Variants in SEMA6B observed in about 807,000 individuals in gnomAD.
SEMA6B encodes semaphorin-6B.
SEMA6B carries 47 observed loss-of-function variants against 78.6 expected under a neutral mutation model. The ratio of observed to expected loss-of-function variants is 0.60; its 90% confidence interval spans 0.47 to 0.76. The LOEUF is 0.76. Among genes scored for constraint, SEMA6B ranks in the 30% least tolerant of loss-of-function variants. The pLI is 0.00. For missense variants in SEMA6B, 1,213 were observed against 1,269.9 expected (o/e 0.96, Z 0.68); for synonymous variants, 632 against 592.2 (o/e 1.07, Z -0.98).
rs1251815385 is a variant in SEMA6B, at chr19:4,556,100, G to T, written c.370-11C>A. 6 of 1,603,526 alleles carry T rather than the reference G, an allele frequency of 3.7e-6. No homozygotes were observed. Among genetic ancestry groups the T allele is most frequent in the Non-Finnish European group, 5.1e-6 (6 of 1,170,536 alleles). ...GTTTCGACACTCGCCCTGAGGTGGG[G>T]ACAGGAGGAAGCGGGGAGCGCGATG... On this transcript the variant is annotated splice_polypyrimidine_tract_variant and intron_variant, in intron 5 of 16. Coordinates refer to ENST00000586582, the MANE Select transcript of SEMA6B (RefSeq NM_032108.4).
chr19:4,556,850 C>A, intron 5 of SEMA6B, 101 bp downstream of exon 5: 1 of 1,074,010 alleles, frequency 9.3e-7, no homozygotes, highest in Admixed American at 2.5e-5. Context: ...GGGGCGTGGC[C>A]AGGGCTGGCG....
Position 4,558,298 on chromosome 19 carries a change from CG to C in SEMA6B, c.121+38del. ...CCAACTGGGAACCCAGATACTCCCA[CG>C]GGACTCCACCCCCGCCCAAAGACAC... On this transcript the variant is annotated intron_variant, in intron 2 of 16. Coordinates refer to ENST00000586582, the MANE Select transcript of SEMA6B (RefSeq NM_032108.4). This position sits in a 1 kb window ranked among gnomAD's most constrained non-coding sequence, Gnocchi z 5.1. 1.5e-6 allele frequency: 2 copies of C among 1,313,798 alleles called. No homozygotes were observed. Among genetic ancestry groups the C allele is most frequent in the Non-Finnish European group, 9.8e-7 (1 of 1,021,708 alleles). 81.4% of individuals were successfully genotyped at this position (1,313,798 alleles called of 1,614,324 possible). A position where few individuals can be genotyped will look rare whatever the true frequency, so the allele number is the denominator to read the frequency against.
In SEMA6B at chr19:4,548,035, C is replaced by A. The variant is rs1323159417; in HGVS notation, c.1593G>T (p.Gly531=). The change falls in exon 14 of 17, where the codon GGG becomes GGT. Residue 531 remains glycine, a synonymous_variant. Transcript: ENST00000586582. ...VPVARCQQYS[G]CMKNCIGSQD... is the part of the protein sequence containing the mutation. The stretch of plus-strand genomic sequence containing the variant: ...CTGGGGTGGACACTCACTTCATACA[C>A]CCCGAGTACTGCTGGCAGCGAGCCA... The A allele has an allele frequency of 6.4e-7, 1 of 1,562,186 alleles. No individual in the cohort carries two copies. Among genetic ancestry groups the A allele is most frequent in the Non-Finnish European group, 8.6e-7 (1 of 1,157,300 alleles).
rs368276839 is a variant in SEMA6B at position 4,554,379 on chromosome 19, C to T, written c.771+9G>A. On this transcript the variant is annotated intron_variant, in intron 9 of 16. Coordinates refer to ENST00000586582, the MANE Select transcript of SEMA6B (RefSeq NM_032108.4). Reference sequence around the variant, plus strand: ...CTCTCAACTTCATGCCCCACTGCACCGGCCTCACCTTCTCCAGGTAGTTAA... The same window carrying T: ...CTCTCAACTTCATGCCCCACTGCACTGGCCTCACCTTCTCCAGGTAGTTAA... The T allele has an allele frequency of 4.4e-5, 71 of 1,609,420 alleles. No individual in the cohort carries two copies. The highest frequency in any genetic ancestry group is 4.4e-5 in the South Asian group (4 of 90,998).
intron 14 of SEMA6B, 150 bp downstream of exon 14, chr19:4,547,877 G>T (rs1318301138): frequency 1.0e-6 from 1 of 976,548 alleles, no homozygotes; most frequent in Non-Finnish European, 1.4e-6. Flanking sequence ...ACCAGGAGTG[G>T]TCCTGCCCGC....
chr19:4,559,539 GT>G lies in SEMA6B; in HGVS notation c.-43del, dbSNP rs1977561848. On this transcript the variant is annotated 5_prime_UTR_variant, in exon 1 of 17. Coordinates refer to ENST00000586582, the MANE Select transcript of SEMA6B (RefSeq NM_032108.4). ...TCAGAGCACCCCCTACCAGAAAGGGGTACAGTCCAGGTCCCGGAGCCCCGAA... is the reference window on the plus strand; with the variant it reads ...TCAGAGCACCCCCTACCAGAAAGGGGACAGTCCAGGTCCCGGAGCCCCGAA... 1 of 152,124 alleles carries G rather than the reference GT, an allele frequency of 6.6e-6. No homozygotes were observed. The highest frequency in any genetic ancestry group is 2.1e-4 in the South Asian group (1 of 4,822). The allele number at this position is 152,124 out of a possible 1,614,324, so 9.4% of individuals were successfully genotyped here. A position where few individuals can be genotyped will look rare whatever the true frequency, so the allele number is the denominator to read the frequency against.
At position 4,558,115 on chromosome 19, in the gene SEMA6B, C is replaced by A. The variant is rs762660120; in HGVS notation, c.156G>T (p.Gly52=). Residue 52 remains glycine (G), a synonymous_variant, in exon 3 of 17, where the codon GGG becomes GGT. Coordinates refer to ENST00000586582, the MANE Select transcript of SEMA6B (RefSeq NM_032108.4). The surrounding 1 kb of genome is among the most constrained non-coding windows in gnomAD (Gnocchi z 5.1). ...LNHYPVFVGS[G]PGRLTPAEGA... ...CTTCTGCGGGGGTCAGGCGTCCGGG[C>A]CCGCTGCCCACAAACACGGGATAGT... is the stretch of plus-strand genomic sequence containing the variant. 5 of 1,524,006 alleles carry A rather than the reference C, an allele frequency of 3.3e-6. No individual in the cohort carries two copies. The highest frequency in any genetic ancestry group is 2.5e-5 in the East Asian group (1 of 39,570). The allele number at this position is 1,524,006 out of a possible 1,614,324, so 94.4% of individuals were successfully genotyped here. A position where few individuals can be genotyped will look rare whatever the true frequency, so the allele number is the denominator to read the frequency against.
At chr19:4,551,523 A>G (rs1318381843) in intron 10 of SEMA6B, among the ~76,000 whole-genome samples, 2 of 151,406 alleles carry the variant, frequency 1.3e-5, no homozygotes, top group East Asian at 2.0e-4. Flanking sequence ...CCAGTCCACA[A>G]GCAGGCTTTT....
At chr19:4,557,045 C>T (rs750910247) in intron 4 of SEMA6B, 32 bp from the exon 5 acceptor site, 4 of 1,605,698 alleles carry the variant, frequency 2.5e-6, no homozygotes, top group African/African-American at 1.3e-5. Context: ...GAGGGGGTAA[C>T]GGGTCCCAGC....
intron 5 of SEMA6B, 25 bp downstream of exon 5, chr19:4,556,926 C>G (rs1029428526): frequency 1.9e-6 from 3 of 1,606,432 alleles, no homozygotes; most frequent in Non-Finnish European, 2.6e-6. Context: ...TCGCAGGGGC[C>G]GGGACCGAGC....
intron 13 of SEMA6B, 30 bp from the exon 14 acceptor site, chr19:4,548,203 C>T (rs368108162): frequency 1.4e-5 from 23 of 1,587,986 alleles, no homozygotes; most frequent in African/African-American, 5.4e-5. Flanking sequence ...TGAGGCTGAG[C>T]GCATCTCAGC....
Position 4,555,507 on chromosome 19 carries a change from C to G in SEMA6B, c.529G>C (p.Asp177His). 1 of 1,613,406 alleles carries G rather than the reference C, an allele frequency of 6.2e-7. No homozygotes were observed. Among genetic ancestry groups the G allele is most frequent in the Admixed American group, 1.7e-5 (1 of 59,842 alleles). The change falls in exon 7 of 17, where the codon GAC becomes CAC. Residue 177 changes from aspartate to histidine, a missense_variant. Asp to His is a moderately conservative substitution (Grantham distance 81). Transcript: ENST00000586582. This position sits in a 1 kb window ranked among gnomAD's most constrained non-coding sequence, Gnocchi z 6.1. The part of the protein sequence containing the change: ...NISGMARCPY[D>H]PKHANVALFS... ...AGGGCAACATTGGCGTGCTTGGGGTCGTACGGGCAGCGGGCCATACCGCTG... is the reference window on the plus strand; with the variant it reads ...AGGGCAACATTGGCGTGCTTGGGGTGGTACGGGCAGCGGGCCATACCGCTG...
In SEMA6B at chr19:4,552,755, TGGGACCCC is replaced by T; in HGVS notation, c.772-124_772-117del. 1.0e-6 allele frequency: 1 copy of T among 990,998 alleles called. No homozygotes were observed. The highest frequency in any genetic ancestry group is 1.5e-6 in the Non-Finnish European group (1 of 689,102). The allele number at this position is 990,998 out of a possible 1,614,324, so 61.4% of individuals were successfully genotyped here. A position where few individuals can be genotyped will look rare whatever the true frequency, so the allele number is the denominator to read the frequency against. On this transcript the variant is annotated intron_variant, in intron 9 of 16. Coordinates refer to ENST00000586582, the MANE Select transcript of SEMA6B (RefSeq NM_032108.4). This position sits in a 1 kb window ranked among gnomAD's most constrained non-coding sequence, Gnocchi z 7.4. ...TGGAGGAGTCTGACCCTGGCTCTGGTGGGACCCCGGCCAGTCACCGTTCCTCTCTGGGC... is the reference window on the plus strand; with the variant it reads ...TGGAGGAGTCTGACCCTGGCTCTGGTGGCCAGTCACCGTTCCTCTCTGGGC...
Position 4,558,392 on chromosome 19 carries a change from G to T in SEMA6B, c.66C>A (p.Gly22=), listed in dbSNP as rs751396583. ...GCTCCTCAGGAAAGAGGCCGTGGGC[G>T]CCCCCCAGTAGCAGCAGCAGAAGCA... The part of the protein sequence containing the change: ...ALLLLLLLLG[G]AHGLFPEEPP... The change falls in exon 2 of 17, where the codon GGC becomes GGA. Residue 22 remains glycine, a synonymous_variant. Coordinates refer to ENST00000586582, the MANE Select transcript of SEMA6B (RefSeq NM_032108.4). This position sits in a 1 kb window ranked among gnomAD's most constrained non-coding sequence, Gnocchi z 5.1. The T allele has an allele frequency of 9.4e-6, 12 of 1,274,794 alleles. No individual in the cohort carries two copies. The highest frequency in any genetic ancestry group is 1.0e-6 in the Non-Finnish European group (1 of 1,002,748). The allele number at this position is 1,274,794 out of a possible 1,614,324, so 79.0% of individuals were successfully genotyped here.
chr19:4,556,885 G>A, intron 5 of SEMA6B, 66 bp downstream of exon 5: 4 of 1,453,306 alleles, frequency 2.8e-6, no homozygotes, highest in Non-Finnish European at 3.8e-6. Context: ...TGGTCTGATT[G>A]GGGCGGGGCA....
At chr19:4,547,482 A>G (rs1977200418) in intron 14 of SEMA6B, among the ~76,000 whole-genome samples, 2 of 152,210 alleles carry the variant, frequency 1.3e-5, no homozygotes, top group African/African-American at 4.8e-5. Flanking sequence ...GCGGGCAGGA[A>G]GCAGGGTCCT....
At chr19:4,553,708 G>GTGGATGGA (rs756222634) in intron 9 of SEMA6B, among the ~76,000 whole-genome samples, 1 of 102,894 alleles carries the variant, frequency 9.7e-6, no homozygotes, top group Non-Finnish European at 1.9e-5. Context: ...GGATGGATGT[G>GTGGATGGA]TGGATGGATG....
intron 9 of SEMA6B, 75 bp downstream of exon 9, chr19:4,554,313 C>A: frequency 8.3e-7 from 1 of 1,198,934 alleles, no homozygotes; most frequent in Non-Finnish European, 1.2e-6. Flanking sequence ...TGCAGGGATT[C>A]ATGGATCCAC....
chr19:4,550,900 G>C lies in SEMA6B; in HGVS notation c.1020C>G (p.Asp340Glu), dbSNP rs1426209037. Residue 340 changes from aspartate (D) to glutamate (E), a missense_variant, in exon 11 of 17, where the codon GAC becomes GAG. Asp to Glu is a conservative substitution (Grantham distance 45, BLOSUM62 2). Coordinates refer to ENST00000586582, the MANE Select transcript of SEMA6B (RefSeq NM_032108.4). This position sits in a 1 kb window ranked among gnomAD's most constrained non-coding sequence, Gnocchi z 6.6. ...SIPGSAVCAF[D>E]LTQVAAVFEG... ...CAAACACAGCTGCCACCTGTGTCAG[G>C]TCAAAGGCGCAGACAGCCGAGCCAG... The C allele has an allele frequency of 6.2e-7, 1 of 1,613,604 alleles. No homozygotes were observed. Among genetic ancestry groups the C allele is most frequent in the Admixed American group, 1.7e-5 (1 of 60,018 alleles).
Sources: gnomAD v4.1 joint callset for allele counts (sites outside exome capture counted in the v4.1 genomes callset) on GRCh38, gnomAD v4.1.1 for gene constraint, Gnocchi (gnomAD v3.1) non-coding constraint, MANE v1.5 for transcripts, NCBI Gene and HGNC (gene_info 2026-07-23, HGNC 2026-07-21) for gene names.